SCMH1: variants seen among roughly 807,000 people sequenced by gnomAD.
The protein encoded by SCMH1 is polycomb protein SCMH1.
SCMH1 carries 37 observed loss-of-function variants against 70.8 expected under a neutral mutation model. The observed-to-expected ratio is 0.52, with a 90% confidence interval of 0.40 to 0.69. SCMH1 has a LOEUF of 0.69. Ranked by LOEUF, SCMH1 falls within the 30% of genes least tolerant of loss-of-function variation. The probability of loss-of-function intolerance (pLI) is 0.00; values close to 1 mark genes in which losing one functional copy is unlikely to be tolerated. For missense variants in SCMH1, 607 were observed against 827.3 expected, an observed-to-expected ratio of 0.73 and a Z score of 3.27; for synonymous variants, 292 against 307.4, an observed-to-expected ratio of 0.95 and a Z score of 0.52.
intron 5 of SCMH1, among the ~76,000 whole-genome samples, chr1:41,148,485 A>C (rs1180413550): frequency 6.6e-6 from 1 of 152,074 alleles, no homozygotes; most frequent in African/African-American, 2.4e-5. Context: ...TCTTTATTTC[A>C]CCTTTGTGTT....
intron 10 of SCMH1, among the ~76,000 whole-genome samples, chr1:41,060,141 C>T (rs976753763): frequency 3.3e-5 from 5 of 151,438 alleles, no homozygotes; most frequent in African/African-American, 4.9e-5. Context: ...GAGAATTTTC[C>T]CCAAATTAAT....
intron 9 of SCMH1, among the ~76,000 whole-genome samples, chr1:41,073,899 G>A (rs528848233): frequency 1.3e-5 from 2 of 152,196 alleles, no homozygotes; most frequent in Admixed American, 1.3e-4. Flanking sequence ...TTGGGATGGA[G>A]GAATTAATGA....
chr1:41,088,287 G>A (rs1424664958), intron 8 of SCMH1, among the ~76,000 whole-genome samples: 1 of 152,082 alleles, frequency 6.6e-6, no homozygotes, highest in Non-Finnish European at 1.5e-5. Context: ...TAGTGGTGGT[G>A]GAAGGAATAA....
chr1:41,089,471 A>G (rs888286227), intron 8 of SCMH1, among the ~76,000 whole-genome samples: 6 of 152,330 alleles, frequency 3.9e-5, no homozygotes, highest in East Asian at 3.9e-4. Flanking sequence ...ATCGTTTTTC[A>G]TAAGTCCCCT....
chr1:41,119,652 T>C (rs1671439090), intron 6 of SCMH1, among the ~76,000 whole-genome samples: 1 of 152,142 alleles, frequency 6.6e-6, no homozygotes. Flanking sequence ...GAGAAGAACA[T>C]CTTTCTTTGT....
chr1:41,178,330 C>G (rs1438591386), intron 2 of SCMH1, among the ~76,000 whole-genome samples: 3 of 152,192 alleles, frequency 2.0e-5, no homozygotes, highest in African/African-American at 7.2e-5. Context: ...ACTGCATCAA[C>G]TAACGAGCAA....
At chr1:41,209,484 C>T (rs1346285862) in intron 1 of SCMH1, among the ~76,000 whole-genome samples, 4 of 152,180 alleles carry the variant, frequency 2.6e-5, no homozygotes, top group East Asian at 1.9e-4. Context: ...ACTGGCAAAC[C>T]GAACTCAGCA....
chr1:41,178,383 T>C (rs1647627951), intron 2 of SCMH1, among the ~76,000 whole-genome samples: 2 of 152,058 alleles, frequency 1.3e-5, no homozygotes, highest in Admixed American at 6.5e-5. Context: ...AATTCACACA[T>C]AACAATATTA....
intron 13 of SCMH1, among the ~76,000 whole-genome samples, chr1:41,036,989 T>C (rs986921859): frequency 1.3e-5 from 2 of 151,984 alleles, no homozygotes; most frequent in African/African-American, 4.8e-5. Flanking sequence ...CAAGACATTG[T>C]TTAATAATTA....
chr1:41,050,282 C>T (rs1171146856), intron 10 of SCMH1, among the ~76,000 whole-genome samples: 1 of 152,136 alleles, frequency 6.6e-6, no homozygotes, highest in Non-Finnish European at 1.5e-5. Context: ...ATTTGAGTAG[C>T]GGGTACTATT....
intron 2 of SCMH1, among the ~76,000 whole-genome samples, chr1:41,174,253 A>C (rs917253875): frequency 1.3e-5 from 2 of 148,726 alleles, no homozygotes; most frequent in Admixed American, 7.1e-5. Context: ...AAACCAAAAA[A>C]GTCTCCAATT....
chr1:41,160,922 G>T (rs1645965678), intron 3 of SCMH1, 24 bp from the exon 4 acceptor site: 2 of 1,548,416 alleles, frequency 1.3e-6, no homozygotes, highest in South Asian at 1.2e-5. Flanking sequence ...AAATGTTGGA[G>T]CATAAGTCAT....
intron 1 of SCMH1, among the ~76,000 whole-genome samples, chr1:41,202,985 T>C (rs1197755573): frequency 3.3e-5 from 5 of 150,692 alleles, no homozygotes; most frequent in Non-Finnish European, 7.4e-5. Flanking sequence ...ATTACATAGG[T>C]GGCTTTTACA....
chr1:41,065,942 C>T (rs1284761498), intron 10 of SCMH1, among the ~76,000 whole-genome samples: 1 of 152,128 alleles, frequency 6.6e-6, no homozygotes, highest in Non-Finnish European at 1.5e-5. Flanking sequence ...AACCTTGCAC[C>T]CTGTTCACAT....
chr1:41,188,322 G>T (rs1029207390), intron 1 of SCMH1, among the ~76,000 whole-genome samples: 3 of 152,160 alleles, frequency 2.0e-5, no homozygotes, highest in Admixed American at 6.5e-5. Context: ...TAGAGATGGG[G>T]TTTCACCATG....
intron 1 of SCMH1, among the ~76,000 whole-genome samples, chr1:41,234,115 CTGG>C (rs1219225848): frequency 1.3e-5 from 2 of 152,150 alleles, no homozygotes. Context: ...CACCCTCTAT[CTGG>C]TGAATTCCTT....
At chr1:41,155,984 C>CAAAAAAAAAAAAAAAAAAAA (rs386366781) in intron 4 of SCMH1, among the ~76,000 whole-genome samples, 1 of 74,652 alleles carries the variant, frequency 1.3e-5, no homozygotes, top group African/African-American at 6.1e-5. Context: ...GACTCCGTCT[C>CAAAAAAAAAAAAAAAAAAAA]AAAAAAAAAA....
chr1:41,090,769 G>C (rs1168253202), intron 8 of SCMH1, among the ~76,000 whole-genome samples: 2 of 152,152 alleles, frequency 1.3e-5, no homozygotes, highest in East Asian at 1.9e-4. Context: ...GCCAGGCGCG[G>C]TGGCTCACGC....
At chr1:41,050,176 C>T (rs1243713626) in intron 10 of SCMH1, among the ~76,000 whole-genome samples, 1 of 152,178 alleles carries the variant, frequency 6.6e-6, no homozygotes, top group Non-Finnish European at 1.5e-5. Context: ...CCGAGGCAGT[C>T]CTAACAGAGT....
Sources: allele counts gnomAD v4.1 joint callset (sites outside exome capture counted in the v4.1 genomes callset), GRCh38; gene constraint gnomAD v4.1.1; transcripts MANE v1.5; gene names NCBI Gene and HGNC (gene_info 2026-07-23, HGNC 2026-07-21).